The following SCRT2 variants were observed in gnomAD, a reference collection of about 807,000 sequenced individuals.
SCRT2 encodes the protein scratch family transcriptional repressor 2.
In SCRT2, 2 loss-of-function variants were observed where a neutral mutation model predicts 3.7. The ratio of observed to expected loss-of-function variants is 0.54; its 90% confidence interval spans 0.22 to 1.70. The LOEUF is 1.70. Ranked by LOEUF, SCRT2 falls within the 40% of genes most tolerant of loss-of-function variation. The probability of loss-of-function intolerance (pLI) is 0.19; values close to 1 mark genes in which losing one functional copy is unlikely to be tolerated. For missense variants in SCRT2, 456 were observed against 468.5 expected (o/e 0.97, Z 0.25); for synonymous variants, 256 against 220.6 (o/e 1.16, Z -1.42).
chr20:666,850 G>T lies in SCRT2; in HGVS notation c.134-2389C>A, dbSNP rs115038969. 7.9e-3 allele frequency among the ~76,000 whole-genome samples: 1,209 copies of T among 152,368 alleles called. 13 individuals are homozygous for T. Among genetic ancestry groups the T allele is most frequent in the African/African-American group, 0.028 (1,173 of 41,580 alleles). On this transcript the variant is annotated intron_variant, in intron 1 of 1. Coordinates refer to ENST00000246104, the MANE Select transcript of SCRT2 (RefSeq NM_033129.4). The surrounding 1 kb of genome is among the most constrained non-coding windows in gnomAD (Gnocchi z 4.4). Reference sequence around the variant, plus strand: ...TGTGTCTGGGGCCATGGAAGGGGAAGGGTGGTTTGGTTCTCCAACACAGAT... The same window carrying T: ...TGTGTCTGGGGCCATGGAAGGGGAATGGTGGTTTGGTTCTCCAACACAGAT...
intron 1 of SCRT2, among the ~76,000 whole-genome samples, chr20:673,659 A>T (rs1027974177): frequency 6.6e-6 from 1 of 151,902 alleles, no homozygotes; most frequent in Non-Finnish European, 1.5e-5. Flanking sequence ...CCCACTATTC[A>T]CTCAGGGGCT....
At chr20:672,800 T>C (rs115204446) in intron 1 of SCRT2, among the ~76,000 whole-genome samples, 4,733 of 139,994 alleles carry the variant, frequency 0.034, 247 homozygotes, top group African/African-American at 0.12. Flanking sequence ...CCCTCCTCTC[T>C]TTCTCCTTGT....
At chr20:668,707 G>C (rs1260787487) in intron 1 of SCRT2, among the ~76,000 whole-genome samples, 1 of 152,206 alleles carries the variant, frequency 6.6e-6, no homozygotes, top group African/African-American at 2.4e-5. Flanking sequence ...CAAGAGTCTT[G>C]ATATTTTAGA....
intron 1 of SCRT2, among the ~76,000 whole-genome samples, chr20:668,341 A>C (rs887529359): frequency 6.6e-6 from 1 of 152,114 alleles, no homozygotes; most frequent in Non-Finnish European, 1.5e-5. Context: ...CTTTAACCTA[A>C]TGCATGGAAC....
In SCRT2 at chr20:667,571, TCTC is replaced by T. The variant is rs1984194565; in HGVS notation, c.134-3113_134-3111del. Among the ~76,000 whole-genome samples, 1 of 152,178 alleles carries T rather than the reference TCTC, an allele frequency of 6.6e-6. No individual in the cohort carries two copies. Among genetic ancestry groups the T allele is most frequent in the African/African-American group, 2.4e-5 (1 of 41,438 alleles). ...GAGCTCCATCAGTGAACCAGAGCGTTCTCCATGAGGTGCTCTGCCCATGGCGCC... is the reference window on the plus strand; with the variant it reads ...GAGCTCCATCAGTGAACCAGAGCGTTCATGAGGTGCTCTGCCCATGGCGCC... On this transcript the variant is annotated intron_variant, in intron 1 of 1. Coordinates refer to ENST00000246104, the MANE Select transcript of SCRT2 (RefSeq NM_033129.4). This position sits in a 1 kb window ranked among gnomAD's most constrained non-coding sequence, Gnocchi z 4.4.
At position 665,997 on chromosome 20, in the gene SCRT2, G is replaced by T. The variant is rs971192810; in HGVS notation, c.134-1536C>A. 4.6e-5 allele frequency among the ~76,000 whole-genome samples: 7 copies of T among 152,174 alleles called. No homozygotes were observed. Among genetic ancestry groups the T allele is most frequent in the African/African-American group, 1.7e-4 (7 of 41,442 alleles). ...TGGCTGATTCAGCCTCCAGGCCTTT[G>T]CCTCTCATCTGGAGTTTGGGATGGA... On this transcript the variant is annotated intron_variant, in intron 1 of 1. Transcript: ENST00000246104. This position sits in a 1 kb window ranked among gnomAD's most constrained non-coding sequence, Gnocchi z 5.0.
Position 664,068 on chromosome 20 carries a change from G to T in SCRT2, c.527C>A (p.Thr176Lys). 6.2e-7 allele frequency: 1 copy of T among 1,611,276 alleles called. No homozygotes were observed. The highest frequency in any genetic ancestry group is 8.5e-7 in the Non-Finnish European group (1 of 1,179,488). ...TSSNLSRHKQ[T>K]HRSLDSQLAR... Reference sequence around the variant, plus strand: ...CAGCTGGCTGTCCAGGCTGCGGTGCGTCTGCTTGTGGCGGCTCAGGTTCGA... The same window carrying T: ...CAGCTGGCTGTCCAGGCTGCGGTGCTTCTGCTTGTGGCGGCTCAGGTTCGA... The change falls in exon 2 of 2, where the codon ACG becomes AAG. Residue 176 changes from threonine (T) to lysine (K), a missense_variant. Around this residue, in one of 3 missense-constraint regions of SCRT2, gnomAD observed 306 missense variants for 305.3 expected, o/e 1.00. Transcript: ENST00000246104. The surrounding 1 kb of genome is among the most constrained non-coding windows in gnomAD (Gnocchi z 7.9).
Position 664,639 on chromosome 20 carries a change from T to C in SCRT2, c.134-178A>G, listed in dbSNP as rs1984100038. Among the ~76,000 whole-genome samples the C allele has an allele frequency of 6.6e-6, 1 of 152,148 alleles. No homozygotes were observed. The stretch of plus-strand genomic sequence containing the variant: ...AGGCAGCCTGGGTTCAATTCCTTCC[T>C]CCATCGACGGCAGTGCAAATAGCCG... On this transcript the variant is annotated intron_variant, in intron 1 of 1. Transcript: ENST00000246104. This position sits in a 1 kb window ranked among gnomAD's most constrained non-coding sequence, Gnocchi z 7.9.
In SCRT2 at chr20:663,866, C is replaced by A. The variant is rs778909173; in HGVS notation, c.729G>T (p.Ala243=). Residue 243 remains alanine, a synonymous_variant, in exon 2 of 2, where the codon GCG becomes GCT. Transcript: ENST00000246104. The surrounding 1 kb of genome is among the most constrained non-coding windows in gnomAD (Gnocchi z 6.9). ...SHTGEKPFGC[A]HCGKAFADRS... is the part of the protein sequence containing the mutation. ...GGTCGGCGAAGGCCTTGCCGCAGTGCGCGCAGCCGAACGGCTTTTCGCCGG... is the reference window on the plus strand; with the variant it reads ...GGTCGGCGAAGGCCTTGCCGCAGTGAGCGCAGCCGAACGGCTTTTCGCCGG... The A allele has an allele frequency of 1.3e-6, 2 of 1,598,264 alleles. No homozygotes were observed. The highest frequency in any genetic ancestry group is 1.1e-5 in the South Asian group (1 of 89,500).
In SCRT2 at chr20:675,506, G is replaced by A; in HGVS notation, c.96C>T (p.Tyr32=). The change falls in exon 1 of 2, where the codon TAC becomes TAT. Residue 32 remains tyrosine, a synonymous_variant. Coordinates refer to ENST00000246104, the MANE Select transcript of SCRT2 (RefSeq NM_033129.4). This position sits in a 1 kb window ranked among gnomAD's most constrained non-coding sequence, Gnocchi z 6.9. ...APTYHPLETA[Y]VLPGARGPPG... The stretch of plus-strand genomic sequence containing the variant: ...GAGGCCCCCGGGCGCCAGGCAGCAC[G>A]TAGGCTGTCTCCAAGGGGTGGTAGG... 3.6e-6 allele frequency: 5 copies of A among 1,384,904 alleles called. No individual in the cohort carries two copies. Among genetic ancestry groups the A allele is most frequent in the Non-Finnish European group, 3.8e-6 (4 of 1,064,722 alleles). The allele number at this position is 1,384,904 out of a possible 1,614,324, so 85.8% of individuals were successfully genotyped here. A position where few individuals can be genotyped will look rare whatever the true frequency, so the allele number is the denominator to read the frequency against.
At chr20:670,095 C>T (rs866206636) in intron 1 of SCRT2, among the ~76,000 whole-genome samples, 1 of 152,222 alleles carries the variant, frequency 6.6e-6, no homozygotes, top group South Asian at 2.1e-4. Flanking sequence ...TGACCCAATT[C>T]CTGTGGCCTA....
chr20:672,791 C>G (rs910797412), intron 1 of SCRT2, among the ~76,000 whole-genome samples: 1 of 149,624 alleles, frequency 6.7e-6, no homozygotes, highest in African/African-American at 2.5e-5. Flanking sequence ...ATCTTCCCCC[C>G]CTCCTCTCTT....
At chr20:669,906 A>G (rs1204970022) in intron 1 of SCRT2, among the ~76,000 whole-genome samples, 1 of 152,110 alleles carries the variant, frequency 6.6e-6, no homozygotes. Context: ...CACGGGGAGG[A>G]GGTCCCTGTG....
At position 663,307 on chromosome 20, in the gene SCRT2, A is replaced by C; in HGVS notation, c.*364T>G. On this transcript the variant is annotated 3_prime_UTR_variant, in exon 2 of 2. Coordinates refer to ENST00000246104, the MANE Select transcript of SCRT2 (RefSeq NM_033129.4). The surrounding 1 kb of genome is among the most constrained non-coding windows in gnomAD (Gnocchi z 6.9). ...AGAGATTCAGCTGAGAAGCGAGAGA[A>C]AAGATCTAGAAGTTAGAAGAGCAGC... The C allele has an allele frequency of 1.2e-5, 3 of 242,278 alleles. No individual in the cohort carries two copies. The highest frequency in any genetic ancestry group is 5.7e-5 in the Admixed American group (1 of 17,610). 15.0% of individuals were successfully genotyped at this position (242,278 alleles called of 1,614,324 possible).
Position 675,701 on chromosome 20 carries a change from G to T in SCRT2, c.-100C>A. 1.1e-6 allele frequency: 1 copy of T among 900,260 alleles called. No homozygotes were observed. The highest frequency in any genetic ancestry group is 1.4e-6 in the Non-Finnish European group (1 of 695,516). The allele number at this position is 900,260 out of a possible 1,614,324, so 55.8% of individuals were successfully genotyped here. ...AGCACTGGACAGCTCCCAGCGGGCTGGAGCGCGGGAGGCCGCTCGGAGCCG... is the reference window on the plus strand; with the variant it reads ...AGCACTGGACAGCTCCCAGCGGGCTTGAGCGCGGGAGGCCGCTCGGAGCCG... On this transcript the variant is annotated 5_prime_UTR_variant, in exon 1 of 2. Transcript: ENST00000246104. This position sits in a 1 kb window ranked among gnomAD's most constrained non-coding sequence, Gnocchi z 6.9.
Position 664,420 on chromosome 20 carries a change from C to G in SCRT2, c.175G>C (p.Asp59His), listed in dbSNP as rs778127723. 1 of 1,338,604 alleles carries G rather than the reference C, an allele frequency of 7.5e-7. No individual in the cohort carries two copies. Among genetic ancestry groups the G allele is most frequent in the East Asian group, 3.0e-5 (1 of 33,020 alleles). 82.9% of individuals were successfully genotyped at this position (1,338,604 alleles called of 1,614,324 possible). Reference protein sequence around the residue: ...HRLPPSSYDADQKPGLELAPA... With the variant: ...HRLPPSSYDAHQKPGLELAPA... ...GCCAGCTCCAGGCCCGGCTTCTGGT[C>G]CGCATCGTAGCTGCTCGGGGGCAGG... The change falls in exon 2 of 2, where the codon GAC becomes CAC. Residue 59 changes from aspartate (D) to histidine (H), a missense_variant. By Grantham distance (81) the Asp-to-His change is moderately conservative (BLOSUM62 -1). Coordinates refer to ENST00000246104, the MANE Select transcript of SCRT2 (RefSeq NM_033129.4). This position sits in a 1 kb window ranked among gnomAD's most constrained non-coding sequence, Gnocchi z 7.9.
rs910576589 is a variant in SCRT2 at position 666,939 on chromosome 20, T to C, written c.134-2478A>G. On this transcript the variant is annotated intron_variant, in intron 1 of 1. Coordinates refer to ENST00000246104, the MANE Select transcript of SCRT2 (RefSeq NM_033129.4). This position sits in a 1 kb window ranked among gnomAD's most constrained non-coding sequence, Gnocchi z 4.4. ...CTTTTTTTTTAAAATGGGATTTATC[T>C]GGAGGGGTGACTGATCACGTAACCA... Among the ~76,000 whole-genome samples the C allele has an allele frequency of 1.3e-5, 2 of 152,126 alleles. No individual in the cohort carries two copies. Among genetic ancestry groups the C allele is most frequent in the Non-Finnish European group, 2.9e-5 (2 of 68,036 alleles).
At chr20:672,473 T>A (rs1419121223) in intron 1 of SCRT2, among the ~76,000 whole-genome samples, 3 of 151,764 alleles carry the variant, frequency 2.0e-5, no homozygotes, top group African/African-American at 7.3e-5. Flanking sequence ...CTCCAGGAAT[T>A]CTCCAGCATT....
rs1039121620 is a variant in SCRT2, at chr20:661,956, G to C, written c.*1715C>G. 1.3e-5 allele frequency: 2 copies of C among 152,694 alleles called. No homozygotes were observed. The highest frequency in any genetic ancestry group is 4.8e-5 in the African/African-American group (2 of 41,450). 9.5% of individuals were successfully genotyped at this position (152,694 alleles called of 1,614,324 possible). On this transcript the variant is annotated 3_prime_UTR_variant, in exon 2 of 2. Transcript: ENST00000246104. ...AGTCTCCCCCCTCTTTTGTGGCTAA[G>C]AGGAGGGGAGAGGAGGATCTGAGAG...
Sources: allele counts gnomAD v4.1 joint callset (sites outside exome capture counted in the v4.1 genomes callset), GRCh38; gene constraint gnomAD v4.1.1; regional missense constraint gnomAD v4.1.1; non-coding constraint Gnocchi (gnomAD v3.1); transcripts MANE v1.5; gene names NCBI Gene and HGNC (gene_info 2026-07-23, HGNC 2026-07-21).